DNAH5: variants seen among roughly 807,000 people sequenced by gnomAD.
The protein encoded by DNAH5 is axonemal beta dynein heavy chain 5.
In DNAH5, 372 loss-of-function variants were observed where a neutral mutation model predicts 518.2. The observed-to-expected ratio is 0.72, with a 90% confidence interval of 0.66 to 0.78. The LOEUF (loss-of-function observed/expected upper bound fraction) is 0.78. Ranked by LOEUF, DNAH5 falls within the 30% of genes least tolerant of loss-of-function variation. The pLI is 0.00. For synonymous variants in DNAH5, 2,039 were observed against 2,025.9 expected (o/e 1.01, Z -0.17); for missense variants, 5,523 against 5,687.0 (o/e 0.97, Z 0.93).
chr5:13,830,340 G>C (rs2151837054), intron 36 of DNAH5, 127 bp from the exon 37 acceptor site: 1 of 971,520 alleles, frequency 1.0e-6, no homozygotes, highest in East Asian at 2.6e-5. Context: ...GCAACAAATA[G>C]ATCTATGCAT....
intron 39 of DNAH5, 108 bp from the exon 40 acceptor site, chr5:13,823,478 C>G (rs1762489473): frequency 1.3e-6 from 1 of 745,700 alleles, no homozygotes; most frequent in Non-Finnish European, 2.4e-6. Flanking sequence ...AATGTAACCA[C>G]TAACAAATAA....
At chr5:13,918,103 C>T (rs1776839008) in intron 7 of DNAH5, among the ~76,000 whole-genome samples, 1 of 152,154 alleles carries the variant, frequency 6.6e-6, no homozygotes, top group South Asian at 2.1e-4. Flanking sequence ...GAGAATATGG[C>T]TAAAGTGATG....
chr5:13,696,341 T>C lies in DNAH5; in HGVS notation c.13724-4206A>G, dbSNP rs541508758. On this transcript the variant is annotated intron_variant, in intron 78 of 78. Transcript: ENST00000265104. Reference sequence around the variant, plus strand: ...TGTCCTTTTCAGCTTCCTTTGAGAATAGAGGATCTAGACAGTGTGTGTGTG... The same window carrying C: ...TGTCCTTTTCAGCTTCCTTTGAGAACAGAGGATCTAGACAGTGTGTGTGTG... Among the ~76,000 whole-genome samples, 9 of 152,336 alleles carry C rather than the reference T, an allele frequency of 5.9e-5. No individual in the cohort carries two copies. The East Asian group carries it at 1.5e-3, about 26-fold the overall frequency.
intron 35 of DNAH5, among the ~76,000 whole-genome samples, chr5:13,831,448 A>C (rs1313949163): frequency 6.6e-6 from 1 of 152,256 alleles, no homozygotes; most frequent in East Asian, 1.9e-4. Context: ...GTGTTACCAA[A>C]GGAGACAAAT....
chr5:13,762,145 C>T (rs897020088), intron 60 of DNAH5, among the ~76,000 whole-genome samples: 4 of 152,086 alleles, frequency 2.6e-5, no homozygotes, highest in African/African-American at 9.7e-5. Flanking sequence ...GAGGAATATG[C>T]AAAAATGAAG....
Position 13,805,948 on chromosome 5 carries a change from A to G in DNAH5, c.7887+1643T>C, listed in dbSNP as rs549243841. Among the ~76,000 whole-genome samples, 3 of 152,246 alleles carry G rather than the reference A, an allele frequency of 2.0e-5. No homozygotes were observed. In the South Asian group the frequency reaches 6.2e-4, roughly 32 times the overall value. ...GCCCTTAACTTCTGAAGTCTGCATT[A>G]GCTCTGCCATAGTTACAATCAGAAC... On this transcript the variant is annotated intron_variant, in intron 47 of 78. Transcript: ENST00000265104.
At position 13,820,468 on chromosome 5, in the gene DNAH5, G is replaced by A; in HGVS notation, c.6719C>T (p.Pro2240Leu). Residue 2240 changes from proline (P) to leucine (L), a missense_variant, in exon 41 of 79, where the codon CCT (proline) becomes CTT (leucine). Coordinates refer to ENST00000265104, the MANE Select transcript of DNAH5 (RefSeq NM_001369.3). ...VEEAGLINHP[P>L]WKLKVIQLFE... The stretch of plus-strand genomic sequence containing the variant: ...TAGCTGGATGACCTTCAGTTTCCAA[G>A]GAGGATGGTTGATTAAACCAGCTTC... 1 of 1,614,118 alleles carries A rather than the reference G, an allele frequency of 6.2e-7. No individual in the cohort carries two copies. The highest frequency in any genetic ancestry group is 8.5e-7 in the Non-Finnish European group (1 of 1,180,034).
chr5:13,855,105 A>G (rs1767435324), intron 30 of DNAH5, among the ~76,000 whole-genome samples: 1 of 152,188 alleles, frequency 6.6e-6, no homozygotes, highest in African/African-American at 2.4e-5. Context: ...TCTCACTATG[A>G]TGCAGAATAT....
chr5:13,738,624 A>G (rs1454019883), intron 65 of DNAH5, among the ~76,000 whole-genome samples: 5 of 152,088 alleles, frequency 3.3e-5, no homozygotes, highest in African/African-American at 1.2e-4. Context: ...AGAGGGAGAG[A>G]CAGAGGAAGA....
intron 29 of DNAH5, 73 bp from the exon 30 acceptor site, chr5:13,859,678 A>T (rs1768115558): frequency 5.4e-6 from 8 of 1,468,172 alleles, no homozygotes; most frequent in East Asian, 4.5e-5. Context: ...AAAGGTTTTT[A>T]AAAATCTTAA....
At position 13,716,559 on chromosome 5, in the gene DNAH5, T is replaced by C. The variant is rs1472495875; in HGVS notation, c.12837A>G (p.Pro4279=). The change falls in exon 74 of 79, where the codon CCA becomes CCG. Residue 4279 remains proline, a synonymous_variant. Coordinates refer to ENST00000265104, the MANE Select transcript of DNAH5 (RefSeq NM_001369.3). ...TGTATCCTTGGTAAAAACTGAAATC[T>C]GGTCCAAACATATTTTCACTGAACC... ...KVWFSENMFG[P]DFSFYQGYNI... 5.0e-6 allele frequency: 8 copies of C among 1,614,006 alleles called. No homozygotes were observed. The highest frequency in any genetic ancestry group is 5.9e-6 in the Non-Finnish European group (7 of 1,179,886).
intron 49 of DNAH5, 129 bp from the exon 50 acceptor site, chr5:13,792,346 A>T: frequency 1.4e-6 from 1 of 717,258 alleles, no homozygotes; most frequent in Middle Eastern, 3.2e-4. Flanking sequence ...ATATAAAAGA[A>T]AAGTATGTTA....
At chr5:13,960,006 C>T (rs937313956) in intron 1 of DNAH5, among the ~76,000 whole-genome samples, 1 of 151,730 alleles carries the variant, frequency 6.6e-6, no homozygotes, top group African/African-American at 2.4e-5. Context: ...CCAGGAAAAA[C>T]ACCCCCAGAA....
chr5:13,959,839 T>C (rs1364844450), intron 1 of DNAH5, among the ~76,000 whole-genome samples: 1 of 152,082 alleles, frequency 6.6e-6, no homozygotes, highest in Non-Finnish European at 1.5e-5. Flanking sequence ...TGGTGACACA[T>C]GCCTGTGATC....
intron 30 of DNAH5, among the ~76,000 whole-genome samples, chr5:13,853,282 G>A (rs536071894): frequency 3.3e-5 from 5 of 152,204 alleles, no homozygotes; most frequent in Non-Finnish European, 7.3e-5. Context: ...AGACGGGCCT[G>A]TCTGTTAGAG....
intron 78 of DNAH5, among the ~76,000 whole-genome samples, chr5:13,695,004 T>C (rs541851255): frequency 2.6e-5 from 4 of 152,310 alleles, no homozygotes; most frequent in Non-Finnish European, 5.9e-5. Context: ...TGTCCAAGAT[T>C]AGAGAGCTAT....
At chr5:13,740,622 T>C (rs1748359848) in intron 65 of DNAH5, among the ~76,000 whole-genome samples, 1 of 152,244 alleles carries the variant, frequency 6.6e-6, no homozygotes, top group African/African-American at 2.4e-5. Context: ...TGTGATGTGA[T>C]GCTGCTATTC....
intron 40 of DNAH5, 116 bp from the exon 41 acceptor site, chr5:13,820,615 G>A: frequency 8.2e-7 from 1 of 1,212,866 alleles, no homozygotes; most frequent in South Asian, 1.2e-5. Context: ...ACAAGGTCAG[G>A]AGTTCAAGAC....
At chr5:13,990,436 C>CCAG (rs1486379977) in intron 1 of DNAH5, among the ~76,000 whole-genome samples, 3 of 152,120 alleles carry the variant, frequency 2.0e-5, no homozygotes, top group African/African-American at 7.2e-5. Context: ...GCCTATAGTC[C>CCAG]CAGCTACTCG....
Sources: allele counts gnomAD v4.1 joint callset (sites outside exome capture counted in the v4.1 genomes callset), GRCh38; gene constraint gnomAD v4.1.1; transcripts MANE v1.5; gene names NCBI Gene and HGNC (gene_info 2026-07-23, HGNC 2026-07-21).